RANBP17: variants seen among roughly 807,000 people sequenced by gnomAD.
RANBP17 encodes the protein ran-binding protein 17.
RANBP17 carries 158 observed loss-of-function variants against 141.2 expected under a neutral mutation model. That is an observed-to-expected ratio of 1.12 (90% CI 0.98 to 1.28). The LOEUF (loss-of-function observed/expected upper bound fraction) is 1.28, where lower values mean the gene tolerates loss of function less well. Among genes scored for constraint, RANBP17 ranks in the 50% most tolerant of loss-of-function variants. The pLI, the probability that RANBP17 is intolerant of heterozygous loss-of-function variation, is 0.00. For missense variants in RANBP17, 1,438 were observed against 1,290.7 expected, an observed-to-expected ratio of 1.11 and a Z score of -1.75; for synonymous variants, 430 against 450.0, an observed-to-expected ratio of 0.96 and a Z score of 0.56.
chr5:171,125,942 C>T (rs1331381911), intron 14 of RANBP17, among the ~76,000 whole-genome samples: 1 of 152,080 alleles, frequency 6.6e-6, no homozygotes, highest in Non-Finnish European at 1.5e-5. Flanking sequence ...CGCGCACCAC[C>T]ACACCTGGCT....
chr5:170,981,650 T>G (rs1777783749), intron 14 of RANBP17, among the ~76,000 whole-genome samples: 1 of 151,988 alleles, frequency 6.6e-6, no homozygotes, highest in African/African-American at 2.4e-5. Flanking sequence ...CCCAGACATG[T>G]GAAACTGTAA....
intron 14 of RANBP17, among the ~76,000 whole-genome samples, chr5:171,063,490 C>T (rs369166703): frequency 3.4e-4 from 52 of 152,286 alleles, no homozygotes; most frequent in South Asian, 1.2e-3. Flanking sequence ...TCGTGAACCG[C>T]GAATGCTGCT....
rs1035020669 is a variant in RANBP17 at position 171,038,775 on chromosome 5, A to G, written c.1710+70398A>G. 2.6e-5 allele frequency among the ~76,000 whole-genome samples: 4 copies of G among 152,228 alleles called. 1 individual carries two copies. Among genetic ancestry groups the G allele is most frequent in the South Asian group, 4.1e-4 (2 of 4,826 alleles). ...TGGTGAATCATATTTATTGATTTGC[A>G]TATGTTGAACCAACTTTGCTTCCCA... On this transcript the variant is annotated intron_variant, in intron 14 of 27. Coordinates refer to ENST00000523189, the MANE Select transcript of RANBP17 (RefSeq NM_022897.5).
intron 13 of RANBP17, among the ~76,000 whole-genome samples, chr5:170,966,680 G>C (rs1776589534): frequency 6.6e-6 from 1 of 152,112 alleles, no homozygotes; most frequent in African/African-American, 2.4e-5. Flanking sequence ...CATAGTGTTG[G>C]AAGTTCTGGC....
chr5:170,868,520 C>T lies in RANBP17; in HGVS notation c.18+6469C>T, dbSNP rs540548525. On this transcript the variant is annotated intron_variant, in intron 1 of 27. Transcript: ENST00000523189. The stretch of plus-strand genomic sequence containing the variant: ...CTCCTGAGCTCAAACAGTTCACCCA[C>T]CTTGGCCCCTCAAAGTGCTGAGATT... Among the ~76,000 whole-genome samples, 6 of 152,162 alleles carry T rather than the reference C, an allele frequency of 3.9e-5. No individual in the cohort carries two copies. The South Asian group carries it at 1.2e-3, about 31-fold the overall frequency.
intron 22 of RANBP17, among the ~76,000 whole-genome samples, chr5:171,232,444 G>A (rs1237797711): frequency 6.6e-6 from 1 of 151,896 alleles, no homozygotes; most frequent in Admixed American, 6.6e-5. Context: ...ATGTTTTTCT[G>A]TACCTATCAC....
At chr5:171,095,050 T>C (rs780127367) in intron 14 of RANBP17, among the ~76,000 whole-genome samples, 6 of 152,182 alleles carry the variant, frequency 3.9e-5, no homozygotes, top group Non-Finnish European at 7.3e-5. Flanking sequence ...CAGAGGCCCT[T>C]GTCAGATGCT....
At chr5:171,031,631 C>A (rs754175322) in intron 14 of RANBP17, among the ~76,000 whole-genome samples, 2 of 151,896 alleles carry the variant, frequency 1.3e-5, no homozygotes, top group Non-Finnish European at 2.9e-5. Flanking sequence ...CATTTTCTGG[C>A]CTCTGTAGGA....
At chr5:171,253,058 T>G in intron 24 of RANBP17, 2 of 906,984 alleles carry the variant, frequency 2.2e-6, no homozygotes, top group South Asian at 1.4e-5. Flanking sequence ...GATCAAGCAC[T>G]GATTTTTCAA....
At chr5:171,178,855 T>C (rs1404640446) in intron 16 of RANBP17, among the ~76,000 whole-genome samples, 1 of 152,200 alleles carries the variant, frequency 6.6e-6, no homozygotes, top group Non-Finnish European at 1.5e-5. Flanking sequence ...GTCGCCCACT[T>C]TTTGATGGGG....
At chr5:171,059,488 A>T (rs1369701115) in intron 14 of RANBP17, among the ~76,000 whole-genome samples, 1 of 151,620 alleles carries the variant, frequency 6.6e-6, no homozygotes. Context: ...ATGCAGCGTT[A>T]TTTCTGAGGG....
intron 5 of RANBP17, among the ~76,000 whole-genome samples, chr5:170,897,521 A>G (rs908367404): frequency 1.3e-5 from 2 of 152,048 alleles, no homozygotes; most frequent in African/African-American, 2.4e-5. Flanking sequence ...CCAGCCATCT[A>G]TCTACATTAG....
intron 14 of RANBP17, among the ~76,000 whole-genome samples, chr5:171,034,749 C>G (rs1013126378): frequency 1.3e-5 from 2 of 152,160 alleles, no homozygotes. Flanking sequence ...TTAAAATACT[C>G]TATGACTTTT....
Position 171,265,774 on chromosome 5 carries a change from G to A in RANBP17, c.2870G>A (p.Arg957Gln), listed in dbSNP as rs760918901. The change falls in exon 25 of 28, where the codon CGA becomes CAA. Residue 957 changes from arginine (R) to glutamine (Q), a missense_variant. Coordinates refer to ENST00000523189, the MANE Select transcript of RANBP17 (RefSeq NM_022897.5). ...GCAAAAGAGGGCAAGAAGCCACTTCGATGCAGAGAGGCTACCCAGGCTGGT... is the reference window on the plus strand; with the variant it reads ...GCAAAAGAGGGCAAGAAGCCACTTCAATGCAGAGAGGCTACCCAGGCTGGT... ...HIAKEGKKPL[R>Q]CREATQAGQR... The A allele has an allele frequency of 7.4e-5, 120 of 1,613,954 alleles. 2 individuals carry two copies. The South Asian group carries it at 1.0e-3, about 14-fold the overall frequency.
intron 14 of RANBP17, among the ~76,000 whole-genome samples, chr5:171,002,206 G>A (rs1444967133): frequency 1.3e-5 from 2 of 152,118 alleles, no homozygotes; most frequent in African/African-American, 4.8e-5. Context: ...CTGTGAGGCT[G>A]GAAGGAGATA....
intron 14 of RANBP17, among the ~76,000 whole-genome samples, chr5:170,970,906 T>A (rs1191180622): frequency 6.6e-6 from 1 of 152,172 alleles, no homozygotes; most frequent in Non-Finnish European, 1.5e-5. Context: ...TTTTGGTTAG[T>A]ACTATTTCTG....
At chr5:170,912,631 A>G (rs1223971915) in intron 7 of RANBP17, among the ~76,000 whole-genome samples, 1 of 151,952 alleles carries the variant, frequency 6.6e-6, no homozygotes, top group Non-Finnish European at 1.5e-5. Context: ...TCCAGTGGAA[A>G]AGTTGTAAGA....
At chr5:171,236,669 G>A (rs1764563960) in intron 22 of RANBP17, among the ~76,000 whole-genome samples, 1 of 151,964 alleles carries the variant, frequency 6.6e-6, no homozygotes, top group South Asian at 2.1e-4. Context: ...ACTGTGTATT[G>A]TCATAGTTTA....
At chr5:171,224,473 A>G (rs1162663338) in intron 22 of RANBP17, among the ~76,000 whole-genome samples, 1 of 152,210 alleles carries the variant, frequency 6.6e-6, no homozygotes, top group East Asian at 1.9e-4. Context: ...GACAGAATGT[A>G]TGTCCAGTAA....
Sources: allele counts gnomAD v4.1 joint callset (sites outside exome capture counted in the v4.1 genomes callset), GRCh38; gene constraint gnomAD v4.1.1; transcripts MANE v1.5; gene names NCBI Gene and HGNC (gene_info 2026-07-23, HGNC 2026-07-21).